CDCP1: variants seen among roughly 807,000 people sequenced by gnomAD.
CDCP1 encodes CUB domain containing protein 1, also known as CUB domain-containing protein 1.
CDCP1 carries 29 observed loss-of-function variants against 60.2 expected under a neutral mutation model. The ratio of observed to expected loss-of-function variants is 0.48; its 90% CI spans 0.36 to 0.66. CDCP1 has a LOEUF of 0.66. CDCP1 is among the 30% of genes least tolerant of loss of function. The probability of loss-of-function intolerance (pLI) is 0.00; values close to 1 mark genes in which losing one functional copy is unlikely to be tolerated. For synonymous variants in CDCP1, 387 were observed against 431.1 expected (o/e 0.90, Z 1.27); for missense variants, 876 against 1,074.3 (o/e 0.82, Z 2.58).
At chr3:45,142,788 A>T (rs905602948) in intron 1 of CDCP1, among the ~76,000 whole-genome samples, 1 of 151,892 alleles carries the variant, frequency 6.6e-6, no homozygotes, top group Admixed American at 6.6e-5. Context: ...GAACCTCTCT[A>T]CTCTTCATCC....
chr3:45,107,608 A>G (rs1187263924), intron 4 of CDCP1, among the ~76,000 whole-genome samples: 2 of 152,150 alleles, frequency 1.3e-5, no homozygotes, highest in East Asian at 3.8e-4. Flanking sequence ...GCTACCTCAC[A>G]CTGTCCTCAC....
At chr3:45,110,984 G>A in intron 3 of CDCP1, 143 bp from the exon 4 acceptor site, 1 of 930,252 alleles carries the variant, frequency 1.1e-6, no homozygotes, top group South Asian at 1.6e-5. Flanking sequence ...TGTATATTTG[G>A]ACTCAAGGCA....
intron 4 of CDCP1, among the ~76,000 whole-genome samples, chr3:45,104,675 A>C (rs1698531969): frequency 6.6e-6 from 1 of 152,180 alleles, no homozygotes; most frequent in Admixed American, 6.5e-5. Context: ...TCCCTAATAA[A>C]GGGGCAGATC....
At position 45,126,126 on chromosome 3, in the gene CDCP1, CTT is replaced by C. The variant is rs1698983408; in HGVS notation, c.83-7507_83-7506del. 8.6e-5 allele frequency among the ~76,000 whole-genome samples: 11 copies of C among 127,664 alleles called. No homozygotes were observed. The East Asian group carries it at 2.4e-3, about 27-fold the overall frequency. The allele number at this position is 127,664 out of a possible 152,430, so 83.8% of individuals were successfully genotyped here. A position where few individuals can be genotyped will look rare whatever the true frequency, so the allele number is the denominator to read the frequency against. ...TCTCTCTCTCTTTCTTTCTTTCTTT[CTT>C]TCTTTCTTTCTTTCTTTCTTTCTTT... On this transcript the variant is annotated intron_variant, in intron 1 of 8. Transcript: ENST00000296129.
At chr3:45,123,617 T>C (rs1340365843) in intron 1 of CDCP1, among the ~76,000 whole-genome samples, 1 of 152,158 alleles carries the variant, frequency 6.6e-6, no homozygotes, top group Non-Finnish European at 1.5e-5. Context: ...TTGTACATAC[T>C]TGAAATGTGG....
chr3:45,134,271 C>T (rs1275836579), intron 1 of CDCP1, among the ~76,000 whole-genome samples: 6 of 152,142 alleles, frequency 3.9e-5, no homozygotes, highest in Non-Finnish European at 8.8e-5. Context: ...ACTACAGGCG[C>T]CCGCCACCAC....
chr3:45,141,416 A>C (rs1235833875), intron 1 of CDCP1, among the ~76,000 whole-genome samples: 1 of 152,238 alleles, frequency 6.6e-6, no homozygotes, highest in African/African-American at 2.4e-5. Context: ...ACACTTTCAG[A>C]AACTGTTAGA....
chr3:45,088,102 G>T lies in CDCP1; in HGVS notation c.2081+952C>A, dbSNP rs180864309. ...AAAATAGCTCTCTTCTCTCTCCCAT[G>T]ACTTTAGTCAGAAATATGAGCAGAA... On this transcript the variant is annotated intron_variant, in intron 8 of 8. Transcript: ENST00000296129. 6.6e-5 allele frequency among the ~76,000 whole-genome samples: 10 copies of T among 152,296 alleles called. No individual in the cohort carries two copies. The East Asian group carries it at 1.9e-3, about 29-fold the overall frequency.
intron 1 of CDCP1, among the ~76,000 whole-genome samples, chr3:45,139,792 T>A (rs1699252888): frequency 6.6e-6 from 1 of 152,108 alleles, no homozygotes. Flanking sequence ...ACTCATCTCA[T>A]TATGTTGTTT....
At chr3:45,124,490 C>A (rs1035568195) in intron 1 of CDCP1, among the ~76,000 whole-genome samples, 29 of 152,102 alleles carry the variant, frequency 1.9e-4, no homozygotes, top group Non-Finnish European at 3.7e-4. Context: ...ATGCATGGTG[C>A]CCTGGAGGAG....
At chr3:45,138,818 C>A (rs1348345741) in intron 1 of CDCP1, among the ~76,000 whole-genome samples, 1 of 151,860 alleles carries the variant, frequency 6.6e-6, no homozygotes, top group African/African-American at 2.4e-5. Flanking sequence ...TGTACTCTAG[C>A]CTGGGCAACA....
chr3:45,103,383 T>C (rs185188558), intron 4 of CDCP1, among the ~76,000 whole-genome samples: 1 of 152,356 alleles, frequency 6.6e-6, no homozygotes, highest in Non-Finnish European at 1.5e-5. Context: ...TATCCATTCC[T>C]CTGTTGGTGA....
At chr3:45,129,773 T>C (rs1043913685) in intron 1 of CDCP1, among the ~76,000 whole-genome samples, 1 of 152,212 alleles carries the variant, frequency 6.6e-6, no homozygotes, top group African/African-American at 2.4e-5. Flanking sequence ...CTCATTCCAA[T>C]GGTCCAACCT....
At chr3:45,146,407 G>T, upstream of CDCP1, 1 of 782,758 alleles carries the variant, frequency 1.3e-6, no homozygotes, top group Non-Finnish European at 1.9e-6. Context: ...CGGGCGGACC[G>T]GCCCGAGCCC....
At chr3:45,100,460 C>G (rs1177396556) in intron 4 of CDCP1, among the ~76,000 whole-genome samples, 1 of 152,198 alleles carries the variant, frequency 6.6e-6, no homozygotes, top group East Asian at 1.9e-4. Context: ...CCCACATTTG[C>G]CCCCAGTTCT....
chr3:45,090,601 A>G (rs1169539645), intron 7 of CDCP1, among the ~76,000 whole-genome samples: 1 of 152,238 alleles, frequency 6.6e-6, no homozygotes, highest in African/African-American at 2.4e-5. Context: ...CCTACGTAAA[A>G]GAGAGATGAA....
At chr3:45,120,158 C>CAG (rs1664477199) in intron 1 of CDCP1, among the ~76,000 whole-genome samples, 1 of 152,216 alleles carries the variant, frequency 6.6e-6, no homozygotes, top group African/African-American at 2.4e-5. Flanking sequence ...TGCTAGCCTG[C>CAG]ACAAGACTGG....
upstream of CDCP1, chr3:45,146,402 G>A (rs534460787): frequency 1.2e-6 from 1 of 852,590 alleles, no homozygotes; most frequent in Non-Finnish European, 1.7e-6. Context: ...GCGCGCGGGC[G>A]GACCGGCCCG....
At position 45,110,730 on chromosome 3, in the gene CDCP1, A is replaced by G. The variant is rs1698675188; in HGVS notation, c.767T>C (p.Val256Ala). The G allele has an allele frequency of 1.9e-6, 3 of 1,614,218 alleles. No individual in the cohort carries two copies. Among genetic ancestry groups the G allele is most frequent in the Non-Finnish European group, 2.5e-6 (3 of 1,180,044 alleles). Residue 256 changes from valine (V) to alanine (A), a missense_variant, in exon 4 of 9, where the codon GTT becomes GCT. By Grantham distance (64) the Val-to-Ala change is moderately conservative (BLOSUM62 0). Around this residue, in one of 2 missense-constraint regions of CDCP1, gnomAD observed 726 missense variants for 935.7 expected, o/e 0.78. Coordinates refer to ENST00000296129, the MANE Select transcript of CDCP1 (RefSeq NM_022842.5). Reference protein sequence around the residue: ...EDELMTWQFVVPAHLRASVSF... With the variant: ...EDELMTWQFVAPAHLRASVSF... Reference sequence around the variant, plus strand: ...GACGCTGGCCCGCAGGTGTGCAGGAACGACAAACTGCCACGTCATGAGCTC... The same window carrying G: ...GACGCTGGCCCGCAGGTGTGCAGGAGCGACAAACTGCCACGTCATGAGCTC...
Sources: allele counts gnomAD v4.1 joint callset (sites outside exome capture counted in the v4.1 genomes callset), GRCh38; gene constraint gnomAD v4.1.1; regional missense constraint gnomAD v4.1.1; transcripts MANE v1.5; gene names NCBI Gene and HGNC (gene_info 2026-07-23, HGNC 2026-07-21).